The following ACO2 variants were observed in gnomAD, a reference collection of about 807,000 sequenced individuals.
ACO2 encodes the protein aconitate hydratase, mitochondrial.
In ACO2, 31 loss-of-function variants were observed where a neutral mutation model predicts 84.5. The ratio of observed to expected loss-of-function variants is 0.37; its 90% confidence interval spans 0.28 to 0.50. The LOEUF is 0.50. Ranked by LOEUF, ACO2 falls within the 20% of genes least tolerant of loss-of-function variation. The probability of loss-of-function intolerance (pLI) is 0.97; values close to 1 mark genes in which losing one functional copy is unlikely to be tolerated. For missense variants in ACO2, 685 were observed against 1,029.3 expected (o/e 0.67, Z 4.58); for synonymous variants, 414 against 412.7 (o/e 1.00, Z -0.04).
Position 41,528,750 on chromosome 22 carries a change from AC to A in ACO2, c.*138del. On this transcript the variant is annotated 3_prime_UTR_variant, in exon 18 of 18. Coordinates refer to ENST00000216254, the MANE Select transcript of ACO2 (RefSeq NM_001098.3). Reference sequence around the variant, plus strand: ...ATGCTTCCTGCTCCCCGCTTAGCCCACGGAGTGACTGTGGTTGTGGTGGGGG... The same window carrying A: ...ATGCTTCCTGCTCCCCGCTTAGCCCAGGAGTGACTGTGGTTGTGGTGGGGG... 7.9e-7 allele frequency: 1 copy of A among 1,271,152 alleles called. No individual in the cohort carries two copies. The highest frequency in any genetic ancestry group is 2.6e-5 in the East Asian group (1 of 38,378). 78.7% of individuals were successfully genotyped at this position (1,271,152 alleles called of 1,614,324 possible).
chr22:41,523,967 C>T (rs1307388113), intron 12 of ACO2, 26 bp downstream of exon 12: 14 of 1,600,848 alleles, frequency 8.7e-6, no homozygotes, highest in Non-Finnish European at 1.2e-5. Flanking sequence ...TGCGCACAAG[C>T]CTGGGATGGC....
intron 1 of ACO2, among the ~76,000 whole-genome samples, chr22:41,473,319 A>G (rs2037968152): frequency 6.6e-6 from 1 of 152,238 alleles, no homozygotes; most frequent in Non-Finnish European, 1.5e-5. Context: ...AGCCTGGCCA[A>G]CATGGTGAAA....
intron 14 of ACO2, 152 bp downstream of exon 14, chr22:41,525,500 A>G (rs2066575398): frequency 3.0e-6 from 3 of 1,001,366 alleles, no homozygotes; most frequent in South Asian, 1.6e-5. Flanking sequence ...CAGAGAGGGT[A>G]TCGCAACGCA....
rs112902383 is a variant in ACO2, at chr22:41,520,951, T to C, written c.1138+675T>C. On this transcript the variant is annotated intron_variant, in intron 9 of 17. Coordinates refer to ENST00000216254, the MANE Select transcript of ACO2 (RefSeq NM_001098.3). ...TGAGTCCTGGAGGTCAAGGCTACAG[T>C]GAGCCGAGATGGTACCACTGCATTC... Among the ~76,000 whole-genome samples, 14 of 140,408 alleles carry C rather than the reference T, an allele frequency of 1.0e-4. 2 individuals are homozygous for C. The highest frequency in any genetic ancestry group is 3.6e-4 in the African/African-American group (13 of 36,268). 92.1% of individuals were successfully genotyped at this position (140,408 alleles called of 152,430 possible).
chr22:41,493,707 C>G (rs945715139), intron 1 of ACO2, among the ~76,000 whole-genome samples: 1 of 151,676 alleles, frequency 6.6e-6, no homozygotes, highest in Non-Finnish European at 1.5e-5. Flanking sequence ...TTTGGGAGGC[C>G]GAGATGTGAG....
chr22:41,515,058 C>T lies in ACO2; in HGVS notation c.526-319C>T, dbSNP rs1318143083. Among the ~76,000 whole-genome samples, 1 of 152,212 alleles carries T rather than the reference C, an allele frequency of 6.6e-6. No homozygotes were observed. The highest frequency in any genetic ancestry group is 1.5e-5 in the Non-Finnish European group (1 of 68,036). ...ACAGGACAGTTTCTCTGGTTCTTGTCACATCCTGGGGTCATGGTGGTATGG... is the reference window on the plus strand; with the variant it reads ...ACAGGACAGTTTCTCTGGTTCTTGTTACATCCTGGGGTCATGGTGGTATGG... On this transcript the variant is annotated intron_variant, in intron 4 of 17. Transcript: ENST00000216254. The surrounding 1 kb of genome is among the most constrained non-coding windows in gnomAD (Gnocchi z 5.8).
chr22:41,523,667 T>C (rs1333338923), intron 11 of ACO2, among the ~76,000 whole-genome samples, 163 bp from the exon 12 acceptor site: 1 of 152,140 alleles, frequency 6.6e-6, no homozygotes, highest in Non-Finnish European at 1.5e-5. Flanking sequence ...TCCCTTCTGC[T>C]CTGCGCGTGG....
rs1393443533 is a variant in ACO2, at chr22:41,515,750, C to T, written c.685-17C>T. 11 of 1,612,694 alleles carry T rather than the reference C, an allele frequency of 6.8e-6. No homozygotes were observed. Among genetic ancestry groups the T allele is most frequent in the South Asian group, 2.2e-5 (2 of 91,012 alleles). The stretch of plus-strand genomic sequence containing the variant: ...CACACACGGCCTCTCACAGCCGCCT[C>T]GCCCCCTCCTGTCCAGGTGATTGGC... On this transcript the variant is annotated splice_polypyrimidine_tract_variant and intron_variant, in intron 5 of 17. Transcript: ENST00000216254. This position sits in a 1 kb window ranked among gnomAD's most constrained non-coding sequence, Gnocchi z 5.8.
At chr22:41,524,766 T>G (rs1459994905) in intron 12 of ACO2, 80 bp from the exon 13 acceptor site, 1 of 1,594,878 alleles carries the variant, frequency 6.3e-7, no homozygotes, top group Non-Finnish European at 8.6e-7. Context: ...CTTTCTCAGT[T>G]TTGGCCTAGG....
intron 2 of ACO2, among the ~76,000 whole-genome samples, chr22:41,506,457 G>C (rs183744407): frequency 1.0e-3 from 158 of 152,224 alleles, no homozygotes; most frequent in African/African-American, 3.7e-3. Context: ...GTTTCACCAT[G>C]TTAGCCAGGA....
rs1312934198 is a variant in ACO2 at position 41,526,643 on chromosome 22, G to A, written c.1953+190G>A. ...TGAGAAGGCATGAGGCCCAGGTCCG[G>A]TGGTACAGCCGGGTCCCTGCACCAG... is the stretch of plus-strand genomic sequence containing the variant. On this transcript the variant is annotated intron_variant, in intron 15 of 17. Coordinates refer to ENST00000216254, the MANE Select transcript of ACO2 (RefSeq NM_001098.3). 5 of 560,748 alleles carry A rather than the reference G, an allele frequency of 8.9e-6. No homozygotes were observed. The African/African-American group carries it at 9.5e-5, about 11-fold the overall frequency. The allele number at this position is 560,748 out of a possible 1,614,324, so 34.7% of individuals were successfully genotyped here.
At chr22:41,498,635 C>T (rs1446972095) in intron 1 of ACO2, among the ~76,000 whole-genome samples, 1 of 152,164 alleles carries the variant, frequency 6.6e-6, no homozygotes, top group Non-Finnish European at 1.5e-5. Context: ...TCTAGGTGGG[C>T]CTCTCCCAGG....
intron 2 of ACO2, among the ~76,000 whole-genome samples, chr22:41,500,164 C>A (rs1424068534): frequency 6.6e-6 from 1 of 152,062 alleles, no homozygotes; most frequent in East Asian, 1.9e-4. Context: ...GGCTGCTGAC[C>A]CTCGGCCTGC....
Position 41,528,719 on chromosome 22 carries a change from C to CCAGA in ACO2, c.*109_*112dup, listed in dbSNP as rs1197389831. On this transcript the variant is annotated 3_prime_UTR_variant, in exon 18 of 18. Coordinates refer to ENST00000216254, the MANE Select transcript of ACO2 (RefSeq NM_001098.3). ...GGCTTCCTATTCCAAGATGGTGTGA[C>CCAGA]CAGACATGCTTCCTGCTCCCCGCTT... The CCAGA allele has an allele frequency of 2.8e-6, 4 of 1,454,294 alleles. No homozygotes were observed. The highest frequency in any genetic ancestry group is 3.7e-6 in the Non-Finnish European group (4 of 1,087,846). The allele number at this position is 1,454,294 out of a possible 1,614,324, so 90.1% of individuals were successfully genotyped here. A position where few individuals can be genotyped will look rare whatever the true frequency, so the allele number is the denominator to read the frequency against.
chr22:41,469,415 A>G (rs1297293538), intron 1 of ACO2: 2 of 473,180 alleles, frequency 4.2e-6, no homozygotes, highest in Non-Finnish European at 7.5e-6. Context: ...CGTGGGCCCA[A>G]GCAGCGGCGG....
rs1303057152 is a variant in ACO2 at position 41,527,999 on chromosome 22, C to G, written c.2185C>G (p.Leu729Val). Residue 729 changes from leucine (L) to valine (V), a missense_variant, in exon 17 of 18, where the codon CTG becomes GTG. By Grantham distance (32) the Leu-to-Val change is conservative. Around this residue, in one of 5 missense-constraint regions of ACO2, gnomAD observed 174 missense variants for 236.6 expected, o/e 0.74. Transcript: ENST00000216254. ...HPVDKLTIQG[L>V]KDFTPGKPLK... ...TGTGGACAAGCTGACCATTCAGGGC[C>G]TGAAGGACTTCACCCCTGGCAAGGT... 6.2e-7 allele frequency: 1 copy of G among 1,614,206 alleles called. No homozygotes were observed. Among genetic ancestry groups the G allele is most frequent in the Admixed American group, 1.7e-5 (1 of 60,028 alleles).
intron 8 of ACO2, 76 bp downstream of exon 8, chr22:41,518,648 A>G (rs1351843889): frequency 1.7e-6 from 2 of 1,165,712 alleles, no homozygotes; most frequent in Non-Finnish European, 2.6e-6. Context: ...CTAAATACTC[A>G]CTGAGGGCCG....
At chr22:41,509,800 G>C (rs2066420752) in intron 3 of ACO2, among the ~76,000 whole-genome samples, 1 of 147,452 alleles carries the variant, frequency 6.8e-6, no homozygotes, top group African/African-American at 2.5e-5. Flanking sequence ...AGTTTAAGCG[G>C]AGAAAGAATA....
chr22:41,505,328 G>C (rs1199376441), intron 2 of ACO2, among the ~76,000 whole-genome samples: 1 of 152,010 alleles, frequency 6.6e-6, no homozygotes, highest in Non-Finnish European at 1.5e-5. Flanking sequence ...GAGGTGGGAG[G>C]ATCGCTTGAG....
Sources: gnomAD v4.1 joint callset for allele counts (sites outside exome capture counted in the v4.1 genomes callset) on GRCh38, gnomAD v4.1.1 for gene constraint, gnomAD v4.1.1 regional missense constraint, Gnocchi (gnomAD v3.1) non-coding constraint, MANE v1.5 for transcripts, NCBI Gene and HGNC (gene_info 2026-07-23, HGNC 2026-07-21) for gene names.